The following CAST variants were observed in gnomAD, a reference collection of about 807,000 sequenced individuals.
CAST encodes the protein MIR583 host.
In CAST, 76 loss-of-function variants were observed where a neutral mutation model predicts 119.6. That is an observed-to-expected ratio of 0.64 (90% CI 0.53 to 0.77). The LOEUF (loss-of-function observed/expected upper bound fraction) is 0.77. Ranked by LOEUF, CAST falls within the 30% of genes least tolerant of loss-of-function variation. The probability of loss-of-function intolerance (pLI) is 0.00; values close to 1 mark genes in which losing one functional copy is unlikely to be tolerated. For missense variants in CAST, 953 were observed against 946.5 expected (o/e 1.01, Z -0.09); for synonymous variants, 319 against 331.6 (o/e 0.96, Z 0.41).
At chr5:96,634,268 G>A (rs1747858720) in intron 1 of CAST, among the ~76,000 whole-genome samples, 1 of 152,174 alleles carries the variant, frequency 6.6e-6, no homozygotes, top group Non-Finnish European at 1.5e-5. Context: ...AGATCAACAA[G>A]AGTGAAAGGG....
At chr5:96,179,718 G>T in the CAST span, among the ~76,000 whole-genome samples, 257 of 152,344 alleles carry the variant, frequency 1.7e-3, 1 homozygote, top group Non-Finnish European at 3.0e-3. Context: ...TTGTCACGTT[G>T]AGAGAACGTT....
Position 96,734,620 on chromosome 5 carries a change from C to T in CAST, c.631-1552C>T, listed in dbSNP as rs576632432. The stretch of plus-strand genomic sequence containing the variant: ...TCTGATTGCAGGAGGTTGGTAGCCA[C>T]ACGGTAAGGGAAAGGAGGCCCCTAA... On this transcript the variant is annotated intron_variant, in intron 9 of 31. Coordinates refer to ENST00000675179, the MANE Select transcript of CAST (RefSeq NM_001750.7). 3.3e-5 allele frequency among the ~76,000 whole-genome samples: 5 copies of T among 152,216 alleles called. No individual in the cohort carries two copies. The South Asian group carries it at 1.0e-3, about 32-fold the overall frequency.
the CAST span, chr5:96,392,801 C>A: frequency 1.6e-6 from 1 of 635,198 alleles, no homozygotes; most frequent in Middle Eastern, 3.1e-4. Flanking sequence ...TTTTGAAATA[C>A]CTATGATCAA....
the CAST span, among the ~76,000 whole-genome samples, chr5:96,470,397 T>TAAATAAAC: frequency 6.6e-6 from 1 of 151,892 alleles, no homozygotes; most frequent in Non-Finnish European, 1.5e-5. Flanking sequence ...ACTACCACAA[T>TAAATAAAC]AAATAAACAG....
At chr5:96,374,678 A>G in the CAST span, among the ~76,000 whole-genome samples, 1 of 152,202 alleles carries the variant, frequency 6.6e-6, no homozygotes, top group Non-Finnish European at 1.5e-5. Context: ...CAAAAACTGC[A>G]TCAGAATCTT....
chr5:96,065,581 GGTAA>G, the CAST span, among the ~76,000 whole-genome samples: 1 of 152,068 alleles, frequency 6.6e-6, no homozygotes, highest in African/African-American at 2.4e-5. Flanking sequence ...CATGAGATAA[GGTAA>G]GTGATAGGAT....
chr5:96,412,257 C>T, the CAST span: 1 of 1,281,144 alleles, frequency 7.8e-7, no homozygotes, highest in Non-Finnish European at 1.1e-6. Context: ...GTGTTCTTTC[C>T]TTCTCCTCAT....
At chr5:96,319,886 G>A in the CAST span, among the ~76,000 whole-genome samples, 3 of 151,858 alleles carry the variant, frequency 2.0e-5, no homozygotes, top group East Asian at 4.0e-4. Context: ...AGGGCCAGCC[G>A]GGTGGTTTTT....
the CAST span, among the ~76,000 whole-genome samples, chr5:96,329,901 G>A: frequency 6.6e-6 from 1 of 152,198 alleles, no homozygotes; most frequent in Non-Finnish European, 1.5e-5. Context: ...TTGTTAAATT[G>A]AATTCTGTAA....
the CAST span, among the ~76,000 whole-genome samples, chr5:96,434,405 G>T: frequency 1.3e-5 from 2 of 152,194 alleles, no homozygotes; most frequent in African/African-American, 4.8e-5. Context: ...TCTGCAGCTG[G>T]CCAGCACCAA....
At chr5:96,076,253 C>A in the CAST span, among the ~76,000 whole-genome samples, 1 of 152,084 alleles carries the variant, frequency 6.6e-6, no homozygotes, top group East Asian at 1.9e-4. Flanking sequence ...ATTTGAAAAC[C>A]AAGGAAGTCT....
At chr5:96,560,111 T>C (rs889759216) in intron 1 of CAST, among the ~76,000 whole-genome samples, 4 of 152,082 alleles carry the variant, frequency 2.6e-5, no homozygotes, top group African/African-American at 9.7e-5. Flanking sequence ...AGGGAAAGGA[T>C]TCCCTATTTA....
intron 1 of CAST, among the ~76,000 whole-genome samples, chr5:96,636,631 TA>T (rs1358477356): frequency 2.6e-5 from 4 of 152,034 alleles, no homozygotes; most frequent in African/African-American, 7.3e-5. Flanking sequence ...TTGGGAATAA[TA>T]AAAAGAAAAC....
chr5:96,506,455 C>T, the CAST span, among the ~76,000 whole-genome samples: 1 of 152,186 alleles, frequency 6.6e-6, no homozygotes, highest in Non-Finnish European at 1.5e-5. Context: ...GAAGCACCAA[C>T]CCCCTTTCTG....
At chr5:96,100,306 C>G in the CAST span, among the ~76,000 whole-genome samples, 1 of 152,208 alleles carries the variant, frequency 6.6e-6, no homozygotes, top group Non-Finnish European at 1.5e-5. Flanking sequence ...TGCTGTGTGA[C>G]TCTGTTGGAG....
the CAST span, among the ~76,000 whole-genome samples, chr5:96,221,338 C>T: frequency 6.6e-6 from 1 of 152,092 alleles, no homozygotes; most frequent in African/African-American, 2.4e-5. Context: ...TCTCTCTTTG[C>T]AGGTTCTTAT....
At chr5:96,326,670 T>A in the CAST span, among the ~76,000 whole-genome samples, 1 of 150,546 alleles carries the variant, frequency 6.6e-6, no homozygotes, top group Admixed American at 6.6e-5. Flanking sequence ...TGTAAATTAC[T>A]CAAAGGCAGG....
At chr5:96,605,016 A>G (rs1747226599) in intron 1 of CAST, among the ~76,000 whole-genome samples, 1 of 152,140 alleles carries the variant, frequency 6.6e-6, no homozygotes, top group Non-Finnish European at 1.5e-5. Context: ...GACATAGAGA[A>G]CCAACAACAC....
At chr5:96,580,387 A>G (rs1310259095) in intron 1 of CAST, among the ~76,000 whole-genome samples, 1 of 152,262 alleles carries the variant, frequency 6.6e-6, no homozygotes, top group Non-Finnish European at 1.5e-5. Context: ...GTTTACCAAT[A>G]GTTTATTTGA....
Sources: allele counts gnomAD v4.1 joint callset (sites outside exome capture counted in the v4.1 genomes callset), GRCh38; gene constraint gnomAD v4.1.1; transcripts MANE v1.5; gene names NCBI Gene and HGNC (gene_info 2026-07-23, HGNC 2026-07-21).